The following BRD8 variants were observed in gnomAD, a reference collection of about 807,000 sequenced individuals.
The protein encoded by BRD8 is bromodomain-containing protein 8.
Under a neutral mutation model 143.1 loss-of-function variants are expected in BRD8, and 67 were observed. That is an observed-to-expected ratio of 0.47 (90% confidence interval 0.38 to 0.57). The LOEUF (loss-of-function observed/expected upper bound fraction) is 0.57. Ranked by LOEUF, BRD8 falls within the 20% of genes least tolerant of loss-of-function variation. The pLI is 0.00. For synonymous variants in BRD8, 505 were observed against 517.1 expected (o/e 0.98, Z 0.32); for missense variants, 1,103 against 1,503.0 (o/e 0.73, Z 4.40).
chr5:138,163,001 GAAGGAAAGGA>G (rs533786705), intron 15 of BRD8, 119 bp downstream of exon 15: 51 of 836,014 alleles, frequency 6.1e-5, no homozygotes, highest in South Asian at 1.1e-4. Context: ...AGAAAAAAGA[GAAGGAAAGGA>G]AAGGAAAGGA....
chr5:138,168,689 C>T, intron 8 of BRD8: 1 of 1,515,618 alleles, frequency 6.6e-7, no homozygotes, highest in Non-Finnish European at 9.1e-7. Context: ...CGGGGGTTAC[C>T]TAAGAGACAA....
intron 22 of BRD8, 108 bp downstream of exon 22, chr5:138,150,637 G>A (rs1752340710): frequency 7.9e-7 from 1 of 1,267,460 alleles, no homozygotes; most frequent in Non-Finnish European, 1.1e-6. Context: ...CCAGGATTTG[G>A]ATCCAGGTAG....
At chr5:138,177,765 C>G in intron 1 of BRD8, 98 bp from the exon 2 acceptor site, 2 of 658,544 alleles carry the variant, frequency 3.0e-6, no homozygotes. Flanking sequence ...AAGCCTAATA[C>G]AAAACATCCC....
intron 17 of BRD8, 125 bp from the exon 18 acceptor site, chr5:138,161,193 G>GCTAA: frequency 1.5e-6 from 1 of 685,288 alleles, no homozygotes; most frequent in Non-Finnish European, 2.3e-6. Context: ...GGACTTAAAT[G>GCTAA]CTAACCCCTT....
intron 10 of BRD8, 58 bp from the exon 11 acceptor site, chr5:138,166,166 T>G (rs770014856): frequency 7.3e-6 from 9 of 1,240,768 alleles, no homozygotes; most frequent in Non-Finnish European, 1.0e-5. Flanking sequence ...AGCGACCACC[T>G]TGAGATCACA....
chr5:138,151,279 G>A (rs1292042837), intron 21 of BRD8, among the ~76,000 whole-genome samples: 5 of 152,188 alleles, frequency 3.3e-5, no homozygotes, highest in Non-Finnish European at 7.3e-5. Flanking sequence ...TGTCAACTCT[G>A]ATCAATTGGG....
intron 20 of BRD8, among the ~76,000 whole-genome samples, chr5:138,154,361 C>T (rs1752489339): frequency 6.6e-6 from 1 of 152,164 alleles, no homozygotes; most frequent in Non-Finnish European, 1.5e-5. Context: ...CAGATGCCTA[C>T]ACCTTCCATT....
chr5:138,152,190 A>G (rs1752400569), intron 21 of BRD8, among the ~76,000 whole-genome samples: 1 of 151,702 alleles, frequency 6.6e-6, no homozygotes, highest in Admixed American at 6.6e-5. Context: ...GGGTTTCACC[A>G]TGTTGGCCAG....
At chr5:138,173,807 C>T (rs1203904319) in intron 2 of BRD8, among the ~76,000 whole-genome samples, 1 of 152,168 alleles carries the variant, frequency 6.6e-6, no homozygotes, top group South Asian at 2.1e-4. Flanking sequence ...CTCAGCCTCC[C>T]GAGTAGCTGG....
At chr5:138,164,687 T>C (rs1407815249) in intron 12 of BRD8, 27 bp downstream of exon 12, 2 of 1,607,578 alleles carry the variant, frequency 1.2e-6, no homozygotes, top group Admixed American at 3.5e-5. Flanking sequence ...AACCTCCATC[T>C]CCCCAGCCCC....
At chr5:138,164,252 C>G in intron 13 of BRD8, 68 bp downstream of exon 13, 1 of 1,582,368 alleles carries the variant, frequency 6.3e-7, no homozygotes, top group African/African-American at 1.3e-5. Context: ...CTCTACTTGC[C>G]CACAACCCAC....
intron 23 of BRD8, among the ~76,000 whole-genome samples, chr5:138,146,969 CAAAAAAA>C (rs60597015): frequency 6.1e-5 from 3 of 49,054 alleles, no homozygotes; most frequent in Non-Finnish European, 8.7e-5. Flanking sequence ...AACTCCGTCT[CAAAAAAA>C]AAAAAAAAAA....
chr5:138,152,542 C>G lies in BRD8; in HGVS notation c.2796G>C (p.Glu932Asp), dbSNP rs369431228. 3.1e-6 allele frequency: 5 copies of G among 1,614,094 alleles called. No individual in the cohort carries two copies. The highest frequency in any genetic ancestry group is 4.2e-6 in the Non-Finnish European group (5 of 1,180,058). ...SELLVGDGGSEESQEAARKAS... is the reference protein window; with the variant it reads ...SELLVGDGGSDESQEAARKAS... ...CTTTCCTTGCCGCTTCCTGAGATTC[C>G]TCACTGCCTCCATCCCCAACAAGCA... The change falls in exon 21 of 27, where the codon GAG (glutamate) becomes GAC (aspartate). Residue 932 changes from glutamate to aspartate, a missense_variant. Coordinates refer to ENST00000254900, the MANE Select transcript of BRD8 (RefSeq NM_139199.2).
At chr5:138,168,252 A>G (rs1357222755) in intron 8 of BRD8, among the ~76,000 whole-genome samples, 174 bp from the exon 9 acceptor site, 2 of 152,280 alleles carry the variant, frequency 1.3e-5, no homozygotes, top group African/African-American at 4.8e-5. Flanking sequence ...TTATTTGACA[A>G]GAGTTCTCTG....
At position 138,159,537 on chromosome 5, in the gene BRD8, C is replaced by T; in HGVS notation, c.2577+18G>A. On this transcript the variant is annotated intron_variant, in intron 20 of 26. Transcript: ENST00000254900. ...ATCTTTGTGGCAACACCACCCCTTG[C>T]AGCCATTCAATACTTACAAAGAGAG... is the stretch of plus-strand genomic sequence containing the variant. 6.2e-7 allele frequency: 1 copy of T among 1,613,576 alleles called. No individual in the cohort carries two copies. Among genetic ancestry groups the T allele is most frequent in the Non-Finnish European group, 8.5e-7 (1 of 1,179,502 alleles).
intron 2 of BRD8, among the ~76,000 whole-genome samples, chr5:138,176,572 AAATT>A (rs745446898): frequency 5.3e-5 from 8 of 152,112 alleles, no homozygotes; most frequent in Non-Finnish European, 8.8e-5. Flanking sequence ...ACTCTGTCTC[AAATT>A]AATTAATTAA....
intron 22 of BRD8, among the ~76,000 whole-genome samples, chr5:138,150,310 A>G (rs1752329840): frequency 6.6e-6 from 1 of 151,784 alleles, no homozygotes; most frequent in Non-Finnish European, 1.5e-5. Flanking sequence ...GTCTCCCTGT[A>G]TTGCCCAGAC....
chr5:138,151,422 A>G (rs996162556), intron 21 of BRD8, among the ~76,000 whole-genome samples: 1 of 152,228 alleles, frequency 6.6e-6, no homozygotes, highest in African/African-American at 2.4e-5. Context: ...AACAGCATAC[A>G]TATAACTCTC....
Position 138,160,099 on chromosome 5 carries a change from A to C in BRD8, c.2502T>G (p.Asp834Glu), listed in dbSNP as rs746349091. 7 of 1,613,972 alleles carry C rather than the reference A, an allele frequency of 4.3e-6. No homozygotes were observed. Among genetic ancestry groups the C allele is most frequent in the Non-Finnish European group, 5.9e-6 (7 of 1,179,988 alleles). Residue 834 changes from aspartate (D) to glutamate (E), a missense_variant, in exon 19 of 27, where the codon GAT becomes GAG. Physicochemically the swap from Asp to Glu is conservative, Grantham distance 45 (BLOSUM62 2). This residue lies in a region of BRD8 where 64 missense variants were observed against 211.3 expected (regional missense o/e 0.30). Transcript: ENST00000254900. ...CTGAAGCATCCTGTTTGCGGGTAGA[A>C]TCTCTCCCTCGAAGACTTTTAGCAC... ...GISAKSLRGR[D>E]STRKQDASEK...
Sources: allele counts gnomAD v4.1 joint callset (sites outside exome capture counted in the v4.1 genomes callset), GRCh38; gene constraint gnomAD v4.1.1; regional missense constraint gnomAD v4.1.1; transcripts MANE v1.5; gene names NCBI Gene and HGNC (gene_info 2026-07-23, HGNC 2026-07-21).